ZNF219: variants seen among roughly 807,000 people sequenced by gnomAD.
The protein encoded by ZNF219 is zinc finger protein 219.
ZNF219 carries 17 observed loss-of-function variants against 54.4 expected under a neutral mutation model. That is an observed-to-expected ratio of 0.31 (90% CI 0.21 to 0.47). The LOEUF is 0.47. Ranked by LOEUF, ZNF219 falls within the 20% of genes least tolerant of loss-of-function variation. ZNF219 has a pLI of 1.00. For synonymous variants in ZNF219, 518 were observed against 476.4 expected, an observed-to-expected ratio of 1.09 and a Z score of -1.14; for missense variants, 1,014 against 1,062.3, an observed-to-expected ratio of 0.95 and a Z score of 0.63.
At chr14:21,097,412 C>T (rs1889335274) in intron 1 of ZNF219, 1 of 152,298 alleles carries the variant, frequency 6.6e-6, no homozygotes, top group South Asian at 2.1e-4. Context: ...TTCTGGAAGA[C>T]CTGGGTTTGG....
Position 21,091,132 on chromosome 14 carries a change from G to T in ZNF219, c.1573C>A (p.Pro525Thr). Residue 525 changes from proline to threonine, a missense_variant, in exon 5 of 5, where the codon CCC (proline) becomes ACC (threonine). Physicochemically the swap from Pro to Thr is conservative, Grantham distance 38 (BLOSUM62 -1). This residue lies in a region of ZNF219 where 38 missense variants were observed against 67.3 expected (regional missense o/e 0.56). Coordinates refer to ENST00000360947, the MANE Select transcript of ZNF219 (RefSeq NM_016423.3). Reference protein sequence around the residue: ...VHLRVHTGERPYKCPHCDYAG... With the variant: ...VHLRVHTGERTYKCPHCDYAG... ...TAGTCGCAGTGCGGACACTTGTAGG[G>T]CCGCTCGCCTGGGGAGAGTGGGTGC... 1 of 1,593,778 alleles carries T rather than the reference G, an allele frequency of 6.3e-7. No individual in the cohort carries two copies.
chr14:21,092,442 CTG>C lies in ZNF219; in HGVS notation c.853_854del (p.Gln285ValfsTer10). 1 of 1,561,906 alleles carries C rather than the reference CTG, an allele frequency of 6.4e-7. No individual in the cohort carries two copies. The highest frequency in any genetic ancestry group is 2.4e-5 in the East Asian group (1 of 41,742). On this transcript the variant is annotated frameshift_variant, in exon 3 of 5. Transcript: ENST00000360947. LOFTEE classifies it high-confidence loss of function. ...GCATGTGGCCCTTGAGAAACCAAGA[CTG>C]TGTAAAGCTCTGGCCGCACACTTGG... Reference protein sequence around the residue: ...RCQVCGQSFTQSWFLKGHMRK... With the variant: ...RCQVCGQSFTXSWFLKGHMRK...
chr14:21,090,810 C>T lies in ZNF219; in HGVS notation c.1895G>A (p.Arg632Gln), dbSNP rs1184754132. 1.3e-6 allele frequency: 2 copies of T among 1,569,016 alleles called. No homozygotes were observed. The highest frequency in any genetic ancestry group is 1.3e-5 in the African/African-American group (1 of 74,198). ...GEAEPLDLSL[R>Q]AGPGGEAGPG... ...CCCGGCCTCGCCTCCCGGCCCTGCCCGCAAGGACAGGTCCAGGGGTTCGGC... is the reference window on the plus strand; with the variant it reads ...CCCGGCCTCGCCTCCCGGCCCTGCCTGCAAGGACAGGTCCAGGGGTTCGGC... Residue 632 changes from arginine to glutamine, a missense_variant, in exon 5 of 5, where the codon CGG becomes CAG. This residue lies in a region of ZNF219 where 281 missense variants were observed against 271.2 expected (regional missense o/e 1.04). Transcript: ENST00000360947. This position sits in a 1 kb window ranked among gnomAD's most constrained non-coding sequence, Gnocchi z 4.4.
At position 21,092,928 on chromosome 14, in the gene ZNF219, C is replaced by A; in HGVS notation, c.369G>T (p.Leu123Phe). 6.4e-7 allele frequency: 1 copy of A among 1,567,772 alleles called. No individual in the cohort carries two copies. The change falls in exon 3 of 5, where the codon TTG (leucine) becomes TTT (phenylalanine). Residue 123 changes from leucine (L) to phenylalanine (F), a missense_variant. Coordinates refer to ENST00000360947, the MANE Select transcript of ZNF219 (RefSeq NM_016423.3). ...RSPAARLLLE[L>F]EERALLREAR... is the part of the protein sequence containing the mutation. ...CCTCGCGTAGTAGCGCGCGCTCTTC[C>A]AACTCCAGCAACAGGCGTGCAGCAG...
Position 21,098,466 on chromosome 14 carries a change from G to C in ZNF219, c.-238C>G. 1.7e-5 allele frequency: 16 copies of C among 960,442 alleles called. No homozygotes were observed. The highest frequency in any genetic ancestry group is 2.0e-5 in the Non-Finnish European group (16 of 810,366). The allele number at this position is 960,442 out of a possible 1,614,324, so 59.5% of individuals were successfully genotyped here. Reference sequence around the variant, plus strand: ...CGGCCCGGCCCCCGCCCCCTCCCCGGTCCCCCGCCCCCGGCCCTGGCCCGC... The same window carrying C: ...CGGCCCGGCCCCCGCCCCCTCCCCGCTCCCCCGCCCCCGGCCCTGGCCCGC... On this transcript the variant is annotated 5_prime_UTR_variant, in exon 1 of 5. Transcript: ENST00000360947.
chr14:21,103,856 T>TC (rs913730049), upstream of ZNF219: 3 of 153,024 alleles, frequency 2.0e-5, no homozygotes, highest in African/African-American at 7.2e-5. Flanking sequence ...GGCGTGCCGC[T>TC]CCCCCAGCCA....
At chr14:21,097,638 T>TC (rs1436154952) in intron 1 of ZNF219, among the ~76,000 whole-genome samples, 1 of 151,770 alleles carries the variant, frequency 6.6e-6, no homozygotes, top group Non-Finnish European at 1.5e-5. Context: ...CCCAGACCCC[T>TC]CCCCAGGAAG....
At chr14:21,094,511 C>A in intron 1 of ZNF219, 1 of 432,252 alleles carries the variant, frequency 2.3e-6, no homozygotes, top group Non-Finnish European at 4.6e-6. Flanking sequence ...GGAGAGGCTC[C>A]CTCACACAAG....
At position 21,091,138 on chromosome 14, in the gene ZNF219, C is replaced by T; in HGVS notation, c.1567G>A (p.Glu523Lys). Reference sequence around the variant, plus strand: ...CAGTGCGGACACTTGTAGGGCCGCTCGCCTGGGGAGAGTGGGTGCGATAGG... The same window carrying T: ...CAGTGCGGACACTTGTAGGGCCGCTTGCCTGGGGAGAGTGGGTGCGATAGG... ...LKVHLRVHTGERPYKCPHCDY... is the reference protein window; with the variant it reads ...LKVHLRVHTGKRPYKCPHCDY... The change falls in exon 5 of 5, where the codon GAG (glutamate) becomes AAG (lysine). Residue 523 changes from glutamate to lysine, a missense_variant and splice_region_variant. Physicochemically the swap from Glu to Lys is moderately conservative, Grantham distance 56. Coordinates refer to ENST00000360947, the MANE Select transcript of ZNF219 (RefSeq NM_016423.3). The T allele has an allele frequency of 6.3e-7, 1 of 1,593,744 alleles. No individual in the cohort carries two copies. The highest frequency in any genetic ancestry group is 8.5e-7 in the Non-Finnish European group (1 of 1,174,652).
At position 21,092,567 on chromosome 14, in the gene ZNF219, G is replaced by A. The variant is rs1232175121; in HGVS notation, c.730C>T (p.Pro244Ser). ...GGCTCCGGCTCCGGCTCCGGCTGGG[G>A]GACTGATCTGGGTTCGGGCTGGGGT... ...PPPQPEPRSV[P>S]QPEPEPEPER... The change falls in exon 3 of 5, where the codon CCC becomes TCC. Residue 244 changes from proline to serine, a missense_variant. Transcript: ENST00000360947. The A allele has an allele frequency of 1.9e-6, 3 of 1,547,568 alleles. No individual in the cohort carries two copies. The highest frequency in any genetic ancestry group is 1.2e-5 in the South Asian group (1 of 83,990).
upstream of ZNF219, chr14:21,102,537 G>A (rs1211785010): frequency 2.6e-6 from 4 of 1,551,668 alleles, no homozygotes; most frequent in Admixed American, 5.9e-5. Context: ...TGAAGGAGAA[G>A]GTGGGAGGAT....
At chr14:21,097,739 A>G (rs994855056) in intron 1 of ZNF219, among the ~76,000 whole-genome samples, 1 of 152,128 alleles carries the variant, frequency 6.6e-6, no homozygotes, top group Admixed American at 6.5e-5. Context: ...GCTGAGTTAC[A>G]GCCGCCTCCG....
upstream of ZNF219, chr14:21,102,954 A>G (rs1889740751): frequency 1.5e-6 from 2 of 1,354,370 alleles, no homozygotes; most frequent in African/African-American, 2.9e-5. Flanking sequence ...AATGGTGGGT[A>G]AGAGGAAACT....
At position 21,093,643 on chromosome 14, in the gene ZNF219, A is replaced by C. The variant is rs191993404; in HGVS notation, c.-52T>G. 7.4e-6 allele frequency: 12 copies of C among 1,614,076 alleles called. No individual in the cohort carries two copies. The highest frequency in any genetic ancestry group is 1.0e-5 in the Non-Finnish European group (12 of 1,180,004). ...GGGAAGTGCAGGGAAGAGGAGGAAA[A>C]GCTGCTAATGAAGGCAACAGGTGCT... On this transcript the variant is annotated 5_prime_UTR_variant, in exon 2 of 5. Transcript: ENST00000360947.
In ZNF219 at chr14:21,091,086, G is replaced by A. The variant is rs1466497455; in HGVS notation, c.1619C>T (p.Ser540Leu). The A allele has an allele frequency of 1.9e-6, 3 of 1,573,570 alleles. No individual in the cohort carries two copies. Among genetic ancestry groups the A allele is most frequent in the Non-Finnish European group, 2.6e-6 (3 of 1,163,988 alleles). The change falls in exon 5 of 5, where the codon TCG (serine) becomes TTG (leucine). Residue 540 changes from serine to leucine, a missense_variant. Transcript: ENST00000360947. ...GTGGCGCTGTAGGTGATACTTGAGC[G>A]AGCCGGACTGGGTGCCCGCGTAGTC... ...HCDYAGTQSGSLKYHLQRHHR... is the reference protein window; with the variant it reads ...HCDYAGTQSGLLKYHLQRHHR...
chr14:21,102,752 G>A, upstream of ZNF219: 1 of 1,550,946 alleles, frequency 6.4e-7, no homozygotes, highest in Non-Finnish European at 8.7e-7. Flanking sequence ...GCAGGAGCCA[G>A]AGTCTGCACT....
Position 21,093,202 on chromosome 14 carries a change from C to T in ZNF219, c.95G>A (p.Gly32Glu). The T allele has an allele frequency of 6.2e-7, 1 of 1,607,162 alleles. No individual in the cohort carries two copies. Among genetic ancestry groups the T allele is most frequent in the East Asian group, 2.2e-5 (1 of 44,856 alleles). Reference sequence around the variant, plus strand: ...GAGCGACCCTGCGCTCACGGCTGGCCCGTTGGAGTATCGCTGCAGATCCAG... The same window carrying T: ...GAGCGACCCTGCGCTCACGGCTGGCTCGTTGGAGTATCGCTGCAGATCCAG... Reference protein sequence around the residue: ...GELDLQRYSNGPAVSAGSLGM... With the variant: ...GELDLQRYSNEPAVSAGSLGM... The change falls in exon 3 of 5, where the codon GGG becomes GAG. Residue 32 changes from glycine to glutamate, a missense_variant. This residue lies in a region of ZNF219 where 395 missense variants were observed against 415.1 expected (regional missense o/e 0.95). Coordinates refer to ENST00000360947, the MANE Select transcript of ZNF219 (RefSeq NM_016423.3).
At chr14:21,096,379 C>T (rs541385819) in intron 1 of ZNF219, among the ~76,000 whole-genome samples, 9 of 152,296 alleles carry the variant, frequency 5.9e-5, no homozygotes, top group Admixed American at 4.6e-4. Context: ...CTTCTTAGGC[C>T]CAATGAAGAT....
rs1448815257 is a variant in ZNF219, at chr14:21,092,070, C to T, written c.1227G>A (p.Pro409=). The change falls in exon 3 of 5, where the codon CCG becomes CCA. Residue 409 remains proline (P), a synonymous_variant. Coordinates refer to ENST00000360947, the MANE Select transcript of ZNF219 (RefSeq NM_016423.3). ...GPGRSFGGFR[P]LSSALPARAR... is the part of the protein sequence containing the mutation. ...CCCGGGCCGGGAGAGCAGAGGACAG[C>T]GGGCGGAAGCCTCCGAAGCTGCGGC... 5 of 1,536,604 alleles carry T rather than the reference C, an allele frequency of 3.3e-6. No individual in the cohort carries two copies. The Admixed American group carries it at 6.0e-5, about 19-fold the overall frequency.
Sources: allele counts gnomAD v4.1 joint callset (sites outside exome capture counted in the v4.1 genomes callset), GRCh38; gene constraint gnomAD v4.1.1; regional missense constraint gnomAD v4.1.1; non-coding constraint Gnocchi (gnomAD v3.1); transcripts MANE v1.5; gene names NCBI Gene and HGNC (gene_info 2026-07-23, HGNC 2026-07-21).